The following YTHDF1 variants were observed in gnomAD, a reference collection of about 807,000 sequenced individuals.
The protein encoded by YTHDF1 is YTH N6-methyladenosine RNA binding protein F1, also known as YTH domain-containing family protein 1.
A neutral mutation model predicts 49.1 loss-of-function variants in YTHDF1; 16 were observed. The observed-to-expected ratio is 0.33, with a 90% CI of 0.22 to 0.49. The LOEUF (loss-of-function observed/expected upper bound fraction) is 0.49. Among genes scored for constraint, YTHDF1 ranks in the 20% least tolerant of loss-of-function variants. The pLI, the probability that YTHDF1 is intolerant of heterozygous loss-of-function variation, is 0.99. For synonymous variants in YTHDF1, 313 were observed against 290.1 expected (o/e 1.08, Z -0.80); for missense variants, 621 against 744.3 (o/e 0.83, Z 1.93).
intron 1 of YTHDF1, 73 bp from the exon 2 acceptor site, chr20:63,215,674 G>C: frequency 1.3e-6 from 2 of 1,531,314 alleles, no homozygotes; most frequent in African/African-American, 2.8e-5. Context: ...TTATTCACCA[G>C]AGAACTGGTC....
At chr20:63,201,899 T>C (rs868542030) in intron 4 of YTHDF1, among the ~76,000 whole-genome samples, 1 of 152,240 alleles carries the variant, frequency 6.6e-6, no homozygotes, top group African/African-American at 2.4e-5. Context: ...CACCTAAGTG[T>C]TCCTCATGGA....
rs370095452 is a variant in YTHDF1, at chr20:63,204,147, C to T, written c.133-340G>A. Among the ~76,000 whole-genome samples the T allele has an allele frequency of 5.3e-5, 8 of 152,300 alleles. No homozygotes were observed. The East Asian group carries it at 9.6e-4, about 18-fold the overall frequency. ...GAATCCAGAGGTAGAGGAGTAAACCCCTGCCTGCTGACGACAACGCTTATG... is the reference window on the plus strand; with the variant it reads ...GAATCCAGAGGTAGAGGAGTAAACCTCTGCCTGCTGACGACAACGCTTATG... On this transcript the variant is annotated intron_variant, in intron 3 of 4. Transcript: ENST00000370339.
chr20:63,199,100 T>C (rs999972971), intron 4 of YTHDF1, among the ~76,000 whole-genome samples: 2 of 152,250 alleles, frequency 1.3e-5, no homozygotes, highest in African/African-American at 4.8e-5. Flanking sequence ...GGGGCCAAAC[T>C]CTAAATGATA....
intron 3 of YTHDF1, among the ~76,000 whole-genome samples, chr20:63,207,553 G>C (rs1313386726): frequency 2.0e-5 from 3 of 147,896 alleles, no homozygotes; most frequent in Non-Finnish European, 4.4e-5. Context: ...TTTGGTCCTC[G>C]TAAATGAGTG....
chr20:63,199,301 C>T (rs951712502), intron 4 of YTHDF1, among the ~76,000 whole-genome samples: 2 of 151,822 alleles, frequency 1.3e-5, no homozygotes, highest in Non-Finnish European at 2.9e-5. Context: ...GGGCGGATCA[C>T]GAGGTCAGGA....
chr20:63,215,653 G>A (rs1240936777), intron 1 of YTHDF1, 52 bp from the exon 2 acceptor site: 7 of 1,572,558 alleles, frequency 4.5e-6, no homozygotes, highest in Admixed American at 1.9e-5. Flanking sequence ...GGGGAAGAGG[G>A]AAACACAAAG....
intron 3 of YTHDF1, among the ~76,000 whole-genome samples, chr20:63,211,958 A>AACAC: frequency 1.1e-5 from 1 of 88,486 alleles, no homozygotes; most frequent in South Asian, 4.1e-4. Context: ...CTGTCTCCAA[A>AACAC]ATACACACAC....
chr20:63,212,477 G>A (rs1012065395), intron 3 of YTHDF1, among the ~76,000 whole-genome samples: 1 of 152,244 alleles, frequency 6.6e-6, no homozygotes, highest in Non-Finnish European at 1.5e-5. Flanking sequence ...AGTGGCGGAG[G>A]AAGGAATGTG....
rs1283987101 is a variant in YTHDF1 at position 63,207,776 on chromosome 20, G to A, written c.133-3969C>T. Among the ~76,000 whole-genome samples, 23 of 152,228 alleles carry A rather than the reference G, an allele frequency of 1.5e-4. No homozygotes were observed. In the East Asian group the frequency reaches 4.3e-3, roughly 28 times the overall value. ...AATCCCAGCACTTTGGGAGGCCGAGGCAGGTGAATCACAAGGTCAGGAGTT... is the reference window on the plus strand; with the variant it reads ...AATCCCAGCACTTTGGGAGGCCGAGACAGGTGAATCACAAGGTCAGGAGTT... On this transcript the variant is annotated intron_variant, in intron 3 of 4. Transcript: ENST00000370339.
At position 63,202,874 on chromosome 20, in the gene YTHDF1, G is replaced by C. The variant is rs772096306; in HGVS notation, c.1066C>G (p.Pro356Ala). 1 of 1,613,940 alleles carries C rather than the reference G, an allele frequency of 6.2e-7. No homozygotes were observed. Among genetic ancestry groups the C allele is most frequent in the Admixed American group, 1.7e-5 (1 of 60,038 alleles). ...SDSNSPGNVQ[P>A]NSAPSVESHP... ...GATTCGACGCTGGGGGCAGAATTAG[G>C]CTGGACGTTTCCAGGAGAGTTGCTA... Residue 356 changes from proline (P) to alanine (A), a missense_variant, in exon 4 of 5, where the codon CCT becomes GCT. Pro to Ala is a conservative substitution (Grantham distance 27, BLOSUM62 -1). Around this residue, in one of 2 missense-constraint regions of YTHDF1, gnomAD observed 470 missense variants for 495.8 expected, o/e 0.95. Coordinates refer to ENST00000370339, the MANE Select transcript of YTHDF1 (RefSeq NM_017798.4).
intron 4 of YTHDF1, among the ~76,000 whole-genome samples, chr20:63,200,130 G>A (rs1763262470): frequency 6.6e-6 from 1 of 152,126 alleles, no homozygotes. Flanking sequence ...GGAGGCTGAG[G>A]TGGGCAGATC....
chr20:63,203,397 G>A lies in YTHDF1; in HGVS notation c.543C>T (p.Asn181=), dbSNP rs79371880. 6.2e-7 allele frequency: 1 copy of A among 1,613,148 alleles called. No individual in the cohort carries two copies. The highest frequency in any genetic ancestry group is 1.3e-5 in the African/African-American group (1 of 75,056). ...SDTLSKAPGM[N]SLEQGMVGLK... ...GGCCAACCATGCCCTGCTCCAGGCT[G>A]TTCATCCCGGGGGCCTTGCTGAGGG... Residue 181 remains asparagine, a synonymous_variant, in exon 4 of 5, where the codon AAC becomes AAT. Coordinates refer to ENST00000370339, the MANE Select transcript of YTHDF1 (RefSeq NM_017798.4). The surrounding 1 kb of genome is among the most constrained non-coding windows in gnomAD (Gnocchi z 4.4).
chr20:63,202,177 G>A lies in YTHDF1; in HGVS notation c.1653+110C>T, dbSNP rs922218793. The A allele has an allele frequency of 1.5e-5, 21 of 1,425,068 alleles. No individual in the cohort carries two copies. The South Asian group carries it at 1.5e-4, about 10-fold the overall frequency. 88.3% of individuals were successfully genotyped at this position (1,425,068 alleles called of 1,614,324 possible). On this transcript the variant is annotated intron_variant, in intron 4 of 4. Coordinates refer to ENST00000370339, the MANE Select transcript of YTHDF1 (RefSeq NM_017798.4). Reference sequence around the variant, plus strand: ...CGGCCAACTGGGAGCTGCCTGTCACGAGACTCAGCTCGGCGGACCTGCCGC... The same window carrying A: ...CGGCCAACTGGGAGCTGCCTGTCACAAGACTCAGCTCGGCGGACCTGCCGC...
At chr20:63,198,551 T>G (rs760213723) in intron 4 of YTHDF1, among the ~76,000 whole-genome samples, 1 of 151,640 alleles carries the variant, frequency 6.6e-6, no homozygotes, top group African/African-American at 2.4e-5. Context: ...ACTCCCCAGA[T>G]CCCCATCTCC....
chr20:63,205,748 A>T (rs1210117727), intron 3 of YTHDF1, among the ~76,000 whole-genome samples: 1 of 152,138 alleles, frequency 6.6e-6, no homozygotes, highest in Non-Finnish European at 1.5e-5. Context: ...ACCTCAGGTG[A>T]TCCACCCGCC....
At chr20:63,215,509 T>C (rs1218406345) in intron 2 of YTHDF1, 68 bp downstream of exon 2, 1 of 1,607,496 alleles carries the variant, frequency 6.2e-7, no homozygotes, top group East Asian at 2.2e-5. Context: ...AGACGCAGCT[T>C]CCTGGACCGT....
intron 3 of YTHDF1, among the ~76,000 whole-genome samples, chr20:63,212,442 T>C (rs766646334): frequency 6.6e-6 from 1 of 152,216 alleles, no homozygotes. Flanking sequence ...AAAGTAAACA[T>C]GCCCAGTAGC....
Position 63,215,869 on chromosome 20 carries a change from G to T in YTHDF1, c.24C>A (p.Thr8=). The T allele has an allele frequency of 6.9e-7, 1 of 1,454,412 alleles. No individual in the cohort carries two copies. The allele number at this position is 1,454,412 out of a possible 1,614,324, so 90.1% of individuals were successfully genotyped here. The part of the protein sequence containing the change: MSATSVD[T]QRTKGQDNKV... The stretch of plus-strand genomic sequence containing the variant: ...CCCTGTAACCCGGCCCCGCTACCTG[G>T]GTGTCCACGCTGGTGGCCGACATGC... Residue 8 remains threonine (T), a synonymous_variant, in exon 1 of 5, where the codon ACC becomes ACA. Transcript: ENST00000370339.
At chr20:63,199,110 AAAG>A in intron 4 of YTHDF1, among the ~76,000 whole-genome samples, 1 of 152,374 alleles carries the variant, frequency 6.6e-6, no homozygotes, top group South Asian at 2.1e-4. Flanking sequence ...TCTAAATGAT[AAAG>A]AAAAGGTGGG....
Sources: gnomAD v4.1 joint callset for allele counts (sites outside exome capture counted in the v4.1 genomes callset) on GRCh38, gnomAD v4.1.1 for gene constraint, gnomAD v4.1.1 regional missense constraint, Gnocchi (gnomAD v3.1) non-coding constraint, MANE v1.5 for transcripts, NCBI Gene and HGNC (gene_info 2026-07-23, HGNC 2026-07-21) for gene names.